The following TBC1D21 variants were observed in gnomAD, a reference collection of about 807,000 sequenced individuals.
TBC1D21 encodes the protein male germ cell Rab GTPase-activating protein.
Under a neutral mutation model 46.0 loss-of-function variants are expected in TBC1D21, and 38 were observed. That is an observed-to-expected ratio of 0.83 (90% CI 0.64 to 1.08). TBC1D21 has a LOEUF of 1.08. Ranked by LOEUF, TBC1D21 falls within the 50% of genes least tolerant of loss-of-function variation. The probability of loss-of-function intolerance (pLI) is 0.00; values close to 1 mark genes in which losing one functional copy is unlikely to be tolerated. For synonymous variants in TBC1D21, 151 were observed against 157.2 expected (o/e 0.96, Z 0.29); for missense variants, 415 against 417.9 (o/e 0.99, Z 0.06).
At chr15:73,909,711 G>C in the TBC1D21 span, 1 of 151,334 alleles carries the variant, frequency 6.6e-6, no homozygotes, top group Non-Finnish European at 1.5e-5. Context: ...CTCTTCTGGT[G>C]TTTTCAGACT....
At chr15:73,876,203 T>TTTTGTTTTTTTGTTTTTTTTTTTTGTTTG (rs1567062253) in intron 1 of TBC1D21, among the ~76,000 whole-genome samples, 1 of 7,834 alleles carries the variant, frequency 1.3e-4, no homozygotes, top group African/African-American at 6.1e-4. Context: ...TTGTGGGTTT[T>TTTTGTTTTTTTGTTTTTTTTTTTTGTTTG]TTTTTTTTTT....
intron 3 of TBC1D21, among the ~76,000 whole-genome samples, chr15:73,882,666 C>T (rs1239262983): frequency 6.6e-6 from 1 of 152,238 alleles, no homozygotes; most frequent in East Asian, 1.9e-4. Flanking sequence ...CCTGGGTAAA[C>T]TTGCCCATGA....
At chr15:73,890,244 A>T (rs531275644), downstream of TBC1D21, among the ~76,000 whole-genome samples, 1 of 152,070 alleles carries the variant, frequency 6.6e-6, no homozygotes, top group Admixed American at 6.5e-5. Context: ...TATGTCCCCA[A>T]TGAGTGCTTG....
chr15:73,883,477 G>T (rs989976662), intron 3 of TBC1D21, among the ~76,000 whole-genome samples: 1 of 152,326 alleles, frequency 6.6e-6, no homozygotes, highest in South Asian at 2.1e-4. Flanking sequence ...TTCCTCAGCT[G>T]GTGGCTGCCT....
At chr15:73,887,374 C>T (rs1439891852) in intron 8 of TBC1D21, among the ~76,000 whole-genome samples, 1 of 152,162 alleles carries the variant, frequency 6.6e-6, no homozygotes, top group Non-Finnish European at 1.5e-5. Context: ...TAATGAATTC[C>T]CTGAAGCCTC....
At chr15:73,875,322 A>AAGGG (rs111521343) in intron 1 of TBC1D21, among the ~76,000 whole-genome samples, 2 of 143,030 alleles carry the variant, frequency 1.4e-5, no homozygotes, top group African/African-American at 5.3e-5. Flanking sequence ...GGAAGGAAGG[A>AAGGG]AGGGAGGGAG....
intron 3 of TBC1D21, among the ~76,000 whole-genome samples, chr15:73,883,820 A>G (rs543478878): frequency 6.6e-6 from 1 of 152,358 alleles, no homozygotes; most frequent in East Asian, 1.9e-4. Context: ...CAGATGGGGA[A>G]ACTGAGGCTT....
chr15:73,890,969 T>C (rs1293681463), downstream of TBC1D21, among the ~76,000 whole-genome samples: 1 of 152,166 alleles, frequency 6.6e-6, no homozygotes, highest in African/African-American at 2.4e-5. Context: ...CTGTTAGGTC[T>C]TAAGGACGAG....
chr15:73,903,484 G>A, the TBC1D21 span, among the ~76,000 whole-genome samples: 2 of 152,140 alleles, frequency 1.3e-5, no homozygotes, highest in African/African-American at 4.8e-5. Flanking sequence ...TAGCTGCTGG[G>A]TAACTCTTAT....
intron 3 of TBC1D21, among the ~76,000 whole-genome samples, chr15:73,883,916 G>A (rs1011632450): frequency 2.6e-5 from 4 of 152,318 alleles, no homozygotes; most frequent in South Asian, 2.1e-4. Context: ...CAGGTGCAGC[G>A]TTTGGAGTAC....
At chr15:73,900,198 G>A in the TBC1D21 span, among the ~76,000 whole-genome samples, 6 of 152,264 alleles carry the variant, frequency 3.9e-5, no homozygotes, top group Middle Eastern at 3.4e-3. Context: ...ATATAATTCC[G>A]GGCCACTGAG....
Position 73,875,258 on chromosome 15 carries a change from A to G in TBC1D21, c.60+1489A>G, listed in dbSNP as rs1434069745. Among the ~76,000 whole-genome samples the G allele has an allele frequency of 5.0e-4, 74 of 149,266 alleles. 1 individual carries two copies. The highest frequency in any genetic ancestry group is 4.2e-3 in the Admixed American group (63 of 15,038). ...AGTGAGACTCCATCAAAAAAAAAAA[A>G]AAAGAAGAAGAAGAAGAAGAAAGAA... On this transcript the variant is annotated intron_variant, in intron 1 of 10. Transcript: ENST00000300504.
At position 73,884,906 on chromosome 15, in the gene TBC1D21, C is replaced by T; in HGVS notation, c.478+15C>T. 1 of 1,613,048 alleles carries T rather than the reference C, an allele frequency of 6.2e-7. No homozygotes were observed. The highest frequency in any genetic ancestry group is 8.5e-7 in the Non-Finnish European group (1 of 1,179,144). On this transcript the variant is annotated intron_variant, in intron 5 of 10. Transcript: ENST00000300504. ...CACGCAGGCAGGTGAGCCTCAGCCT[C>T]CCCTTGTCAATGCCCTCCCAGGACC...
the TBC1D21 span, among the ~76,000 whole-genome samples, chr15:73,902,970 G>A: frequency 6.6e-6 from 1 of 152,204 alleles, no homozygotes; most frequent in South Asian, 2.1e-4. Context: ...CTGCCTGCTT[G>A]TCTCCCTGGC....
chr15:73,908,136 G>A, the TBC1D21 span: 1 of 152,236 alleles, frequency 6.6e-6, no homozygotes, highest in Admixed American at 6.5e-5. Context: ...GTTATGGATT[G>A]TTATAGACAC....
the TBC1D21 span, among the ~76,000 whole-genome samples, chr15:73,906,472 T>C: frequency 6.6e-6 from 1 of 151,892 alleles, no homozygotes; most frequent in African/African-American, 2.4e-5. Flanking sequence ...GTGGTGGCAG[T>C]TTGGAAAGAA....
intron 1 of TBC1D21, among the ~76,000 whole-genome samples, chr15:73,880,753 A>G (rs550372220): frequency 3.0e-4 from 46 of 152,260 alleles, no homozygotes; most frequent in Admixed American, 1.3e-4. Flanking sequence ...CTGGCGACAG[A>G]GTGAGACTCC....
the TBC1D21 span, among the ~76,000 whole-genome samples, chr15:73,896,952 G>A: frequency 6.6e-6 from 1 of 152,216 alleles, no homozygotes; most frequent in Admixed American, 6.5e-5. Flanking sequence ...TAGGGGTGAT[G>A]TCAAGATGTC....
At chr15:73,874,938 G>C (rs1196127124) in intron 1 of TBC1D21, among the ~76,000 whole-genome samples, 2 of 152,166 alleles carry the variant, frequency 1.3e-5, no homozygotes, top group Non-Finnish European at 2.9e-5. Context: ...CTTGTCCTCA[G>C]GTGAACTGGA....
Sources: allele counts gnomAD v4.1 joint callset (sites outside exome capture counted in the v4.1 genomes callset), GRCh38; gene constraint gnomAD v4.1.1; transcripts MANE v1.5; gene names NCBI Gene and HGNC (gene_info 2026-07-23, HGNC 2026-07-21).